PLPP1: variants seen among roughly 807,000 people sequenced by gnomAD.
PLPP1 encodes phospholipid phosphatase 1.
A neutral mutation model predicts 31.2 loss-of-function variants in PLPP1; 24 were observed. That is an observed-to-expected ratio of 0.77 (90% CI 0.56 to 1.08). The LOEUF (loss-of-function observed/expected upper bound fraction) is 1.08, where lower values mean the gene tolerates loss of function less well. Ranked by LOEUF, PLPP1 falls within the 50% of genes least tolerant of loss-of-function variation. The pLI, the probability that PLPP1 is intolerant of heterozygous loss-of-function variation, is 0.00. For synonymous variants in PLPP1, 146 were observed against 126.3 expected, an observed-to-expected ratio of 1.16 and a Z score of -1.05; for missense variants, 319 against 342.7, an observed-to-expected ratio of 0.93 and a Z score of 0.55.
chr5:55,522,130 A>G (rs6861871), intron 1 of PLPP1, among the ~76,000 whole-genome samples: 131,089 of 152,188 alleles, frequency 0.86, 56,651 homozygotes, highest in South Asian at 0.92. Context: ...AAATCACGAG[A>G]TTCTAACTAT....
intron 1 of PLPP1, among the ~76,000 whole-genome samples, chr5:55,486,371 G>C (rs1247059027): frequency 6.6e-6 from 1 of 151,886 alleles, no homozygotes; most frequent in East Asian, 1.9e-4. Context: ...GATTGCTTGA[G>C]GTCAGGAGTT....
At chr5:55,428,588 A>C (rs1418177532) in intron 4 of PLPP1, among the ~76,000 whole-genome samples, 1 of 152,190 alleles carries the variant, frequency 6.6e-6, no homozygotes, top group Non-Finnish European at 1.5e-5. Context: ...AACACTTGAC[A>C]TGACTTCCTT....
rs79922355 is a variant in PLPP1, at chr5:55,426,775, C to T, written c.550-736G>A. Reference sequence around the variant, plus strand: ...ATTCTGGGCACAGGTTGCCATTGCTCTGGGCCTATCTAGGGACTATTTCAT... The same window carrying T: ...ATTCTGGGCACAGGTTGCCATTGCTTTGGGCCTATCTAGGGACTATTTCAT... On this transcript the variant is annotated intron_variant, in intron 4 of 5. Coordinates refer to ENST00000307259, the MANE Select transcript of PLPP1 (RefSeq NM_003711.4). 2.6e-3 allele frequency among the ~76,000 whole-genome samples: 396 copies of T among 152,122 alleles called. 10 individuals carry two copies. In the East Asian group the frequency reaches 0.065, roughly 25 times the overall value.
intron 3 of PLPP1, among the ~76,000 whole-genome samples, chr5:55,450,515 A>G (rs185282004): frequency 4.6e-5 from 7 of 152,304 alleles, no homozygotes; most frequent in Middle Eastern, 3.4e-3. Flanking sequence ...CATGACTGGG[A>G]AAGAAATGCT....
In PLPP1 at chr5:55,498,136, T is replaced by C. The variant is rs1320489594; in HGVS notation, c.59-22686A>G. ...ACAAAGGGGCTATTTATAGAGTCTA[T>C]ATTAAGACTACATATTAAGAACATT... On this transcript the variant is annotated intron_variant, in intron 1 of 5. Coordinates refer to ENST00000307259, the MANE Select transcript of PLPP1 (RefSeq NM_003711.4). Among the ~76,000 whole-genome samples, 4 of 152,148 alleles carry C rather than the reference T, an allele frequency of 2.6e-5. No homozygotes were observed. In the East Asian group the frequency reaches 5.8e-4, roughly 22 times the overall value.
chr5:55,429,228 G>T (rs1280129034), intron 4 of PLPP1, among the ~76,000 whole-genome samples: 1 of 151,712 alleles, frequency 6.6e-6, no homozygotes, highest in East Asian at 2.0e-4. Flanking sequence ...AAGCCATTTA[G>T]TAGAAAACAA....
chr5:55,519,265 C>G, intron 1 of PLPP1, among the ~76,000 whole-genome samples: 1 of 152,166 alleles, frequency 6.6e-6, no homozygotes. Flanking sequence ...ACCTTTTCTC[C>G]AAGTGGCTAC....
At position 55,517,690 on chromosome 5, in the gene PLPP1, T is replaced by C. The variant is rs1414843872; in HGVS notation, c.58+16882A>G. On this transcript the variant is annotated intron_variant, in intron 1 of 5. Coordinates refer to ENST00000307259, the MANE Select transcript of PLPP1 (RefSeq NM_003711.4). ...AATGTGATTCTAGACTTAATCCAAC[T>C]GAAAATAAAATCTCTACCACAATCT... Among the ~76,000 whole-genome samples the C allele has an allele frequency of 5.3e-5, 8 of 152,274 alleles. No homozygotes were observed. The South Asian group carries it at 1.4e-3, about 28-fold the overall frequency.
At chr5:55,431,537 A>T (rs911625841) in intron 4 of PLPP1, among the ~76,000 whole-genome samples, 1 of 74,072 alleles carries the variant, frequency 1.4e-5, no homozygotes, top group Non-Finnish European at 3.0e-5. Context: ...CCACTGGGTC[A>T]GGGAATAAAT....
intron 3 of PLPP1, among the ~76,000 whole-genome samples, chr5:55,466,824 A>G (rs1752307814): frequency 6.6e-6 from 1 of 152,250 alleles, no homozygotes; most frequent in South Asian, 2.1e-4. Flanking sequence ...AAATCAAACA[A>G]ACAAAGGATG....
chr5:55,530,608 A>G (rs1740628650), intron 1 of PLPP1: 2 of 1,482,334 alleles, frequency 1.3e-6, no homozygotes, highest in East Asian at 4.5e-5. Flanking sequence ...CTCATGCGAT[A>G]GAATTTAATC....
At chr5:55,451,567 T>G (rs1175783655) in intron 3 of PLPP1, among the ~76,000 whole-genome samples, 18 of 151,816 alleles carry the variant, frequency 1.2e-4, no homozygotes, top group Admixed American at 1.2e-3. Context: ...TTTTTTTTTT[T>G]TTTTCTTTTT....
At chr5:55,508,647 C>T (rs1485297739) in intron 1 of PLPP1, among the ~76,000 whole-genome samples, 1 of 152,174 alleles carries the variant, frequency 6.6e-6, no homozygotes, top group African/African-American at 2.4e-5. Flanking sequence ...ATAACTCATA[C>T]TTGTACCAGC....
intron 3 of PLPP1, among the ~76,000 whole-genome samples, chr5:55,462,564 T>A (rs1464368141): frequency 6.6e-6 from 1 of 152,070 alleles, no homozygotes; most frequent in African/African-American, 2.4e-5. Flanking sequence ...TTTTGGAACG[T>A]TGAGGCAAGT....
intron 3 of PLPP1, among the ~76,000 whole-genome samples, chr5:55,454,724 A>G (rs1471760652): frequency 6.6e-6 from 1 of 152,208 alleles, no homozygotes; most frequent in Non-Finnish European, 1.5e-5. Flanking sequence ...TTTTTAAATC[A>G]TCCCCTTCTT....
chr5:55,496,657 G>C (rs926021375), intron 1 of PLPP1, among the ~76,000 whole-genome samples: 2 of 152,168 alleles, frequency 1.3e-5, no homozygotes, highest in Non-Finnish European at 2.9e-5. Context: ...TCAGGGCCAT[G>C]GGTGACAGTA....
intron 1 of PLPP1, among the ~76,000 whole-genome samples, chr5:55,534,012 C>A (rs1740781146): frequency 6.6e-6 from 1 of 152,154 alleles, no homozygotes; most frequent in Admixed American, 6.5e-5. Flanking sequence ...CTCCCCCACC[C>A]CCAAAACTTC....
At chr5:55,448,944 C>T (rs4865943) in intron 3 of PLPP1, among the ~76,000 whole-genome samples, 132,576 of 152,204 alleles carry the variant, frequency 0.87, 57,980 homozygotes, top group South Asian at 0.92. Context: ...CCTAATACAA[C>T]GTAAATGCTA....
In PLPP1 at chr5:55,429,479, C is replaced by T. The variant is rs138691694; in HGVS notation, c.550-3440G>A. On this transcript the variant is annotated intron_variant, in intron 4 of 5. Coordinates refer to ENST00000307259, the MANE Select transcript of PLPP1 (RefSeq NM_003711.4). ...ATGCTGGAGAAGGGTAAGTGACCCC[C>T]AACAGTCAGCATCCGCATTCCCATT... Among the ~76,000 whole-genome samples, 194 of 152,156 alleles carry T rather than the reference C, an allele frequency of 1.3e-3. 3 individuals carry two copies. Among genetic ancestry groups the T allele is most frequent in the Non-Finnish European group, 3.7e-4 (25 of 67,982 alleles).
Sources: gnomAD v4.1 joint callset for allele counts (sites outside exome capture counted in the v4.1 genomes callset) on GRCh38, gnomAD v4.1.1 for gene constraint, MANE v1.5 for transcripts, NCBI Gene and HGNC (gene_info 2026-07-23, HGNC 2026-07-21) for gene names.